The following RELN variants were observed in gnomAD, a reference collection of about 807,000 sequenced individuals.
The protein encoded by RELN is reelin.
In RELN, 108 loss-of-function variants were observed where a neutral mutation model predicts 427.6. The ratio of observed to expected loss-of-function variants is 0.25; its 90% CI spans 0.22 to 0.30. The LOEUF is 0.30. Among genes scored for constraint, RELN ranks in the 10% least tolerant of loss-of-function variants. The pLI is 1.00. For synonymous variants in RELN, 1,524 were observed against 1,513.4 expected, an observed-to-expected ratio of 1.01 and a Z score of -0.16; for missense variants, 3,715 against 4,302.8, an observed-to-expected ratio of 0.86 and a Z score of 3.82.
chr7:103,764,853 A>AAAAT (rs1554414953), intron 4 of RELN, among the ~76,000 whole-genome samples: 1 of 150,776 alleles, frequency 6.6e-6, no homozygotes, highest in African/African-American at 2.5e-5. Context: ...AAAAAAAAAA[A>AAAAT]AAGTGCAAAA....
chr7:103,817,240 A>C (rs1792896477), intron 3 of RELN, among the ~76,000 whole-genome samples: 1 of 152,198 alleles, frequency 6.6e-6, no homozygotes, highest in East Asian at 1.9e-4. Context: ...CAATTTATTC[A>C]CATCAAGTTA....
intron 1 of RELN, among the ~76,000 whole-genome samples, chr7:103,979,531 T>C (rs765636755): frequency 6.6e-6 from 1 of 152,210 alleles, no homozygotes; most frequent in Non-Finnish European, 1.5e-5. Flanking sequence ...ATCTGATCCA[T>C]GTATGAAAAA....
chr7:103,959,314 T>C (rs1796500911), intron 1 of RELN, among the ~76,000 whole-genome samples: 1 of 152,206 alleles, frequency 6.6e-6, no homozygotes, highest in South Asian at 2.1e-4. Flanking sequence ...ATTTCCTCTT[T>C]CTTCTAGCAG....
chr7:103,491,810 CAA>C (rs1376306498), intron 58 of RELN, 141 bp downstream of exon 58: 1 of 674,890 alleles, frequency 1.5e-6, no homozygotes, highest in Non-Finnish European at 2.6e-6. Context: ...GCCTGGGCAA[CAA>C]GAGCGAAACT....
intron 11 of RELN, among the ~76,000 whole-genome samples, chr7:103,681,776 AC>A (rs2115693170): frequency 6.6e-6 from 1 of 152,314 alleles, no homozygotes; most frequent in East Asian, 1.9e-4. Context: ...AGGAAGACAA[AC>A]AAAAATCTCA....
chr7:103,594,365 T>C lies in RELN; in HGVS notation c.3667A>G (p.Lys1223Glu), dbSNP rs200269227. The part of the protein sequence containing the change: ...AVDDIIILSE[K>E]QKQIIPVINP... ...ATAACTGGGATGATCTGCTTCTGCT[T>C]CTCGGACAGAATGATGATGTCATCG... The change falls in exon 26 of 65, where the codon AAG (lysine) becomes GAG (glutamate). Residue 1223 changes from lysine (K) to glutamate (E), a missense_variant. By Grantham distance (56) the Lys-to-Glu change is moderately conservative. This residue lies in a region of RELN where 2,208 missense variants were observed against 2,361.7 expected (regional missense o/e 0.93). Coordinates refer to ENST00000428762, the MANE Select transcript of RELN (RefSeq NM_005045.4). The C allele has an allele frequency of 1.5e-5, 24 of 1,614,022 alleles. No homozygotes were observed. The Admixed American group carries it at 3.3e-4, about 22-fold the overall frequency.
At chr7:103,778,418 A>T (rs1326927416) in intron 3 of RELN, among the ~76,000 whole-genome samples, 1 of 152,198 alleles carries the variant, frequency 6.6e-6, no homozygotes, top group Non-Finnish European at 1.5e-5. Flanking sequence ...ATGTTTAAAT[A>T]ACTGTTCGTT....
chr7:103,775,753 C>T (rs1441655025), intron 4 of RELN, among the ~76,000 whole-genome samples: 1 of 152,160 alleles, frequency 6.6e-6, no homozygotes, highest in African/African-American at 2.4e-5. Context: ...CTAAGACAAA[C>T]TTGTATTCAA....
At chr7:103,562,024 A>G in intron 34 of RELN, 71 bp from the exon 35 acceptor site, 2 of 1,539,908 alleles carry the variant, frequency 1.3e-6, no homozygotes, top group East Asian at 4.8e-5. Flanking sequence ...AAGGACATTT[A>G]TTTTAATTCC....
At chr7:103,979,119 C>T (rs1447020936) in intron 1 of RELN, among the ~76,000 whole-genome samples, 1 of 152,200 alleles carries the variant, frequency 6.6e-6, no homozygotes, top group Non-Finnish European at 1.5e-5. Flanking sequence ...CATGAGCCCA[C>T]CTTCAAACCC....
chr7:103,539,506 C>T (rs149356445), intron 44 of RELN, 179 bp from the exon 45 acceptor site: 7 of 640,838 alleles, frequency 1.1e-5, no homozygotes, highest in African/African-American at 9.1e-5. Context: ...TCTGCTTGCC[C>T]ATCTGGCAAG....
rs1191611145 is a variant in RELN at position 103,491,852 on chromosome 7, T to TCACA, written c.9443+100_9443+101insTGTG. 2,377 of 437,422 alleles carry TCACA rather than the reference T, an allele frequency of 5.4e-3. 15 individuals carry two copies. The highest frequency in any genetic ancestry group is 0.05 in the East Asian group (688 of 13,638). The allele number at this position is 437,422 out of a possible 1,614,324, so 27.1% of individuals were successfully genotyped here. A position where few individuals can be genotyped will look rare whatever the true frequency, so the allele number is the denominator to read the frequency against. On this transcript the variant is annotated intron_variant, in intron 58 of 64. Coordinates refer to ENST00000428762, the MANE Select transcript of RELN (RefSeq NM_005045.4). ...CTCTCTCTCTCTCTCTCTCTCTCTC[T>TCACA]CTCTCACACACACACACACACACAC...
At chr7:103,687,114 T>C (rs1456139330) in intron 10 of RELN, among the ~76,000 whole-genome samples, 1 of 152,206 alleles carries the variant, frequency 6.6e-6, no homozygotes, top group Non-Finnish European at 1.5e-5. Context: ...CAATTTATGG[T>C]ATATTTTGTG....
At chr7:103,651,844 T>C (rs1832922297) in intron 14 of RELN, 55 bp from the exon 15 acceptor site, 3 of 1,583,308 alleles carry the variant, frequency 1.9e-6, no homozygotes, top group Non-Finnish European at 2.6e-6. Context: ...AGATAACAAA[T>C]CAAATGAAAT....
chr7:103,524,876 C>T (rs868684451), intron 46 of RELN, among the ~76,000 whole-genome samples: 2 of 152,172 alleles, frequency 1.3e-5, no homozygotes, highest in Admixed American at 6.5e-5. Flanking sequence ...GTTCCCCCAG[C>T]AGAGTGATCT....
chr7:103,867,500 T>C (rs1351297575), intron 2 of RELN, among the ~76,000 whole-genome samples: 1 of 152,080 alleles, frequency 6.6e-6, no homozygotes, highest in African/African-American at 2.4e-5. Context: ...ATCAAAACTG[T>C]GGAGGAGCTT....
chr7:103,895,351 G>A (rs892926163), intron 2 of RELN, among the ~76,000 whole-genome samples: 4 of 152,050 alleles, frequency 2.6e-5, no homozygotes, highest in African/African-American at 9.7e-5. Flanking sequence ...GGCAAATGGG[G>A]GCCCATTAAA....
intron 3 of RELN, among the ~76,000 whole-genome samples, chr7:103,806,190 G>A (rs1289253881): frequency 6.6e-6 from 1 of 152,150 alleles, no homozygotes; most frequent in Non-Finnish European, 1.5e-5. Context: ...TTTCACTAAC[G>A]TCTGAGCTAA....
At chr7:103,775,043 A>C (rs931121811) in intron 4 of RELN, among the ~76,000 whole-genome samples, 2 of 152,176 alleles carry the variant, frequency 1.3e-5, no homozygotes, top group African/African-American at 4.8e-5. Flanking sequence ...CAGTTATAAT[A>C]GAAAAGACTA....
Sources: allele counts gnomAD v4.1 joint callset (sites outside exome capture counted in the v4.1 genomes callset), GRCh38; gene constraint gnomAD v4.1.1; regional missense constraint gnomAD v4.1.1; transcripts MANE v1.5; gene names NCBI Gene and HGNC (gene_info 2026-07-23, HGNC 2026-07-21).